The following ACVR1 variants were observed in gnomAD, a reference collection of about 807,000 sequenced individuals.
ACVR1 encodes activin receptor type-1.
Under a neutral mutation model 57.1 loss-of-function variants are expected in ACVR1, and 38 were observed. That is an observed-to-expected ratio of 0.67 (90% CI 0.51 to 0.87). ACVR1 has a LOEUF of 0.87. ACVR1 is among the 40% of genes least tolerant of loss of function. The pLI, the probability that ACVR1 is intolerant of heterozygous loss-of-function variation, is 0.00. For synonymous variants in ACVR1, 212 were observed against 228.1 expected, an observed-to-expected ratio of 0.93 and a Z score of 0.63; for missense variants, 463 against 638.2, an observed-to-expected ratio of 0.73 and a Z score of 2.96.
chr2:157,818,796 C>T (rs534687086), intron 1 of ACVR1, among the ~76,000 whole-genome samples: 151 of 152,286 alleles, frequency 9.9e-4, no homozygotes, highest in African/African-American at 3.4e-3. Context: ...CCAGTAAGAT[C>T]GGCCGGGCGC....
chr2:157,838,907 C>T (rs891885208), intron 1 of ACVR1, among the ~76,000 whole-genome samples: 1 of 152,104 alleles, frequency 6.6e-6, no homozygotes, highest in African/African-American at 2.4e-5. Flanking sequence ...ATGCAGGTGT[C>T]AAGCAATCCA....
At chr2:157,855,347 A>ACACACAC (rs1295042051) in intron 1 of ACVR1, among the ~76,000 whole-genome samples, 1 of 119,740 alleles carries the variant, frequency 8.4e-6, no homozygotes, top group Admixed American at 8.7e-5. Context: ...CACACACACA[A>ACACACAC]AAATTAGCCG....
At chr2:157,799,116 G>A (rs1160462801) in intron 3 of ACVR1, among the ~76,000 whole-genome samples, 1 of 151,728 alleles carries the variant, frequency 6.6e-6, no homozygotes, top group Admixed American at 6.6e-5. Flanking sequence ...GGCTGATCTC[G>A]AACTCCTGAC....
At chr2:157,832,305 T>TTAAA (rs752280857) in intron 1 of ACVR1, among the ~76,000 whole-genome samples, 21 of 152,020 alleles carry the variant, frequency 1.4e-4, no homozygotes, top group Non-Finnish European at 2.9e-4. Context: ...TAAAATGAAA[T>TTAAA]TAAATAATTA....
chr2:157,822,340 C>T (rs966901697), intron 1 of ACVR1, among the ~76,000 whole-genome samples: 1 of 152,166 alleles, frequency 6.6e-6, no homozygotes, highest in Admixed American at 6.5e-5. Flanking sequence ...ATTATAGCAG[C>T]TATCATTTAG....
At chr2:157,850,060 G>A (rs1001742700) in intron 1 of ACVR1, among the ~76,000 whole-genome samples, 1 of 152,204 alleles carries the variant, frequency 6.6e-6, no homozygotes, top group Admixed American at 6.5e-5. Context: ...AATGAAGTCA[G>A]AAAGGAACAA....
intron 1 of ACVR1, among the ~76,000 whole-genome samples, chr2:157,844,542 T>G (rs1318827445): frequency 1.3e-5 from 2 of 152,178 alleles, no homozygotes; most frequent in Admixed American, 6.5e-5. Context: ...CCTGTGATAT[T>G]TCAAGTTAAA....
chr2:157,791,049 C>G (rs1400575507), intron 3 of ACVR1, among the ~76,000 whole-genome samples: 2 of 152,222 alleles, frequency 1.3e-5, no homozygotes, highest in Non-Finnish European at 2.9e-5. Flanking sequence ...CTCGGCTGGT[C>G]TAATGGCTAC....
intron 1 of ACVR1, among the ~76,000 whole-genome samples, chr2:157,855,030 A>T (rs973478788): frequency 1.3e-5 from 2 of 151,882 alleles, no homozygotes; most frequent in African/African-American, 4.8e-5. Context: ...AGAGCAAGAC[A>T]CCATCTCAAA....
chr2:157,851,611 G>A (rs1689303193), intron 1 of ACVR1, among the ~76,000 whole-genome samples: 1 of 152,048 alleles, frequency 6.6e-6, no homozygotes, highest in Non-Finnish European at 1.5e-5. Flanking sequence ...GTGATCAAAG[G>A]ATAAATAGAA....
At chr2:157,846,102 T>C (rs1379059847) in intron 1 of ACVR1, among the ~76,000 whole-genome samples, 4 of 152,240 alleles carry the variant, frequency 2.6e-5, no homozygotes, top group African/African-American at 7.2e-5. Flanking sequence ...GCGATTATCC[T>C]GGATTATCCG....
chr2:157,820,432 A>G (rs186905001), intron 1 of ACVR1, among the ~76,000 whole-genome samples: 1 of 152,248 alleles, frequency 6.6e-6, no homozygotes, highest in African/African-American at 2.4e-5. Flanking sequence ...AGAGGAGGCC[A>G]GTGTTCAGCT....
chr2:157,793,474 T>G, intron 3 of ACVR1, among the ~76,000 whole-genome samples: 1 of 152,158 alleles, frequency 6.6e-6, no homozygotes, highest in Non-Finnish European at 1.5e-5. Flanking sequence ...CATCAACTAG[T>G]ATAGGATCAT....
intron 3 of ACVR1, among the ~76,000 whole-genome samples, chr2:157,796,819 C>T (rs2105302690): frequency 6.6e-6 from 1 of 152,222 alleles, no homozygotes; most frequent in East Asian, 1.9e-4. Context: ...CCAAATCCTC[C>T]CAGCTTTAAT....
intron 9 of ACVR1, among the ~76,000 whole-genome samples, chr2:157,751,131 A>T (rs1685176678): frequency 6.6e-6 from 1 of 152,246 alleles, no homozygotes; most frequent in Non-Finnish European, 1.5e-5. Flanking sequence ...TGAGTGCCCA[A>T]ACTGTGAAAG....
At chr2:157,762,425 G>A (rs1422254448) in intron 8 of ACVR1, among the ~76,000 whole-genome samples, 1 of 152,168 alleles carries the variant, frequency 6.6e-6, no homozygotes, top group Non-Finnish European at 1.5e-5. Flanking sequence ...TGAGTTTCAG[G>A]AATCCACTGG....
chr2:157,814,606 T>C (rs151063693), intron 2 of ACVR1, among the ~76,000 whole-genome samples: 121 of 152,338 alleles, frequency 7.9e-4, no homozygotes, highest in Middle Eastern at 3.4e-3. Flanking sequence ...TGTATAACCT[T>C]TGACCCAGCA....
chr2:157,817,621 G>A (rs1687987956), intron 2 of ACVR1, among the ~76,000 whole-genome samples: 1 of 152,040 alleles, frequency 6.6e-6, no homozygotes, highest in African/African-American at 2.4e-5. Flanking sequence ...GAGGTGTTGG[G>A]GAGATAGATG....
chr2:157,804,494 G>A (rs1687448108), intron 2 of ACVR1, among the ~76,000 whole-genome samples: 1 of 152,166 alleles, frequency 6.6e-6, no homozygotes, highest in Admixed American at 6.5e-5. Context: ...CCTTGTGCAA[G>A]GCTGTAATGC....
Sources: gnomAD v4.1 joint callset for allele counts (sites outside exome capture counted in the v4.1 genomes callset) on GRCh38, gnomAD v4.1.1 for gene constraint, MANE v1.5 for transcripts, NCBI Gene and HGNC (gene_info 2026-07-23, HGNC 2026-07-21) for gene names.